RAB3GAP2: variants seen among roughly 807,000 people sequenced by gnomAD.
The protein encoded by RAB3GAP2 is RAB3 GTPase activating non-catalytic protein subunit 2, also known as rab3 GTPase-activating protein non-catalytic subunit.
In RAB3GAP2, 87 loss-of-function variants were observed where a neutral mutation model predicts 185.3. The observed-to-expected ratio is 0.47, with a 90% CI of 0.39 to 0.56. The LOEUF is 0.56. Ranked by LOEUF, RAB3GAP2 falls within the 20% of genes least tolerant of loss-of-function variation. The probability of loss-of-function intolerance (pLI) is 0.00; values close to 1 mark genes in which losing one functional copy is unlikely to be tolerated. For missense variants in RAB3GAP2, 1,492 were observed against 1,638.2 expected (o/e 0.91, Z 1.54); for synonymous variants, 554 against 576.1 (o/e 0.96, Z 0.55).
At chr1:220,237,258 C>T (rs146917358) in intron 1 of RAB3GAP2, among the ~76,000 whole-genome samples, 36 of 152,254 alleles carry the variant, frequency 2.4e-4, no homozygotes, top group Middle Eastern at 6.8e-3. Context: ...CTCTCATTTC[C>T]GTGAAAGACT....
intron 1 of RAB3GAP2, among the ~76,000 whole-genome samples, chr1:220,233,198 A>G (rs532620865): frequency 6.6e-6 from 1 of 152,346 alleles, no homozygotes; most frequent in East Asian, 1.9e-4. Flanking sequence ...TCTAAAAATG[A>G]CAAATGTTTA....
intron 21 of RAB3GAP2, among the ~76,000 whole-genome samples, chr1:220,173,404 T>C (rs1163443884): frequency 6.6e-6 from 1 of 152,220 alleles, no homozygotes; most frequent in Admixed American, 6.5e-5. Context: ...CATCTGTAAG[T>C]ACTGGTATCT....
rs570565961 is a variant in RAB3GAP2 at position 220,261,267 on chromosome 1, C to A, written c.115+10956G>T. Among the ~76,000 whole-genome samples, 10 of 152,252 alleles carry A rather than the reference C, an allele frequency of 6.6e-5. No individual in the cohort carries two copies. The South Asian group carries it at 8.3e-4, about 13-fold the overall frequency. On this transcript the variant is annotated intron_variant, in intron 1 of 34. Coordinates refer to ENST00000358951, the MANE Select transcript of RAB3GAP2 (RefSeq NM_012414.4). The stretch of plus-strand genomic sequence containing the variant: ...CAGATACCTAGGAGTTTCAAGAATT[C>A]TTCTCTATGAGGAAGGTTCAACAAC...
chr1:220,177,767 AGAAAT>A (rs1658320565), intron 21 of RAB3GAP2, among the ~76,000 whole-genome samples: 3 of 152,240 alleles, frequency 2.0e-5, no homozygotes, highest in Non-Finnish European at 2.9e-5. Context: ...AGGAGAAGAA[AGAAAT>A]GAAATGAATG....
At chr1:220,206,539 C>A (rs1558155427) in intron 7 of RAB3GAP2, among the ~76,000 whole-genome samples, 1 of 152,154 alleles carries the variant, frequency 6.6e-6, no homozygotes, top group African/African-American at 2.4e-5. Context: ...TTAACCAGTT[C>A]ATATTGACGG....
intron 28 of RAB3GAP2, among the ~76,000 whole-genome samples, chr1:220,161,362 T>C (rs1657960042): frequency 1.3e-5 from 2 of 152,316 alleles, no homozygotes; most frequent in Middle Eastern, 3.4e-3. Flanking sequence ...TTTACAGTGG[T>C]AATTCTCTTA....
intron 1 of RAB3GAP2, among the ~76,000 whole-genome samples, chr1:220,263,647 G>A (rs73095631): frequency 0.016 from 2,494 of 152,070 alleles, 58 homozygotes; most frequent in African/African-American, 0.056. Context: ...CCATTGGTTT[G>A]TTTGTCTTTA....
At chr1:220,237,586 T>C (rs1202536917) in intron 1 of RAB3GAP2, among the ~76,000 whole-genome samples, 1 of 152,240 alleles carries the variant, frequency 6.6e-6, no homozygotes, top group Non-Finnish European at 1.5e-5. Flanking sequence ...GGCTCTACTC[T>C]CAGAGATTCT....
At chr1:220,195,220 T>G (rs1229073599) in intron 11 of RAB3GAP2, 53 bp from the exon 12 acceptor site, 5 of 1,604,804 alleles carry the variant, frequency 3.1e-6, no homozygotes, top group Non-Finnish European at 4.3e-6. Flanking sequence ...GGTTTTAAAG[T>G]GCAAACTATC....
chr1:220,212,077 T>C (rs1659094183), intron 4 of RAB3GAP2, among the ~76,000 whole-genome samples: 1 of 152,216 alleles, frequency 6.6e-6, no homozygotes, highest in Non-Finnish European at 1.5e-5. Context: ...AGTTCTAAGC[T>C]AGCAGCTCCA....
intron 2 of RAB3GAP2, among the ~76,000 whole-genome samples, chr1:220,226,426 T>C (rs1350159343): frequency 6.6e-6 from 1 of 150,436 alleles, no homozygotes; most frequent in Non-Finnish European, 1.5e-5. Context: ...GCCTTTATAA[T>C]ACTCTTAAAA....
intron 1 of RAB3GAP2, among the ~76,000 whole-genome samples, chr1:220,233,686 G>A (rs1242977117): frequency 6.6e-6 from 1 of 151,200 alleles, no homozygotes; most frequent in Non-Finnish European, 1.5e-5. Flanking sequence ...TTAATTTGAG[G>A]CAATACATAT....
Position 220,257,801 on chromosome 1 carries a change from A to T in RAB3GAP2, c.115+14422T>A, listed in dbSNP as rs528791451. Among the ~76,000 whole-genome samples, 367 of 152,112 alleles carry T rather than the reference A, an allele frequency of 2.4e-3. 2 individuals are homozygous for T. Among genetic ancestry groups the T allele is most frequent in the African/African-American group, 4.2e-3 (175 of 41,534 alleles). On this transcript the variant is annotated intron_variant, in intron 1 of 34. Transcript: ENST00000358951. ...CAATGCATTCAGGAGCTGGTTTTTT[A>T]AAAAAATTAATAAAATAGATAGAAC...
chr1:220,192,100 G>A (rs529787623), intron 13 of RAB3GAP2, among the ~76,000 whole-genome samples: 15 of 152,338 alleles, frequency 9.8e-5, no homozygotes, highest in African/African-American at 2.6e-4. Flanking sequence ...CAAGGAATAA[G>A]ATTGCCATAG....
chr1:220,157,560 T>C, intron 30 of RAB3GAP2, 72 bp from the exon 31 acceptor site: 1 of 1,487,712 alleles, frequency 6.7e-7, no homozygotes, highest in Non-Finnish European at 9.3e-7. Flanking sequence ...CCCAATGAGT[T>C]TATTAGCAGC....
At chr1:220,224,074 T>G (rs1367516834) in intron 2 of RAB3GAP2, among the ~76,000 whole-genome samples, 1 of 151,338 alleles carries the variant, frequency 6.6e-6, no homozygotes, top group Non-Finnish European at 1.5e-5. Context: ...GGAATAAGGC[T>G]AGCTAACATT....
intron 1 of RAB3GAP2, among the ~76,000 whole-genome samples, chr1:220,258,632 A>G (rs1362054435): frequency 1.3e-5 from 2 of 152,238 alleles, no homozygotes; most frequent in Admixed American, 6.5e-5. Context: ...CCAATATCAT[A>G]CTGAATGGGC....
chr1:220,236,144 G>A (rs1264618552), intron 1 of RAB3GAP2, among the ~76,000 whole-genome samples: 1 of 152,162 alleles, frequency 6.6e-6, no homozygotes, highest in Non-Finnish European at 1.5e-5. Flanking sequence ...TGTTTTGCCA[G>A]TGGGGCAATA....
At chr1:220,159,316 C>T in intron 29 of RAB3GAP2, 70 bp downstream of exon 29, 1 of 1,271,268 alleles carries the variant, frequency 7.9e-7, no homozygotes. Flanking sequence ...TTCACCTATA[C>T]AGTTAATAAA....
Sources: allele counts gnomAD v4.1 joint callset (sites outside exome capture counted in the v4.1 genomes callset), GRCh38; gene constraint gnomAD v4.1.1; transcripts MANE v1.5; gene names NCBI Gene and HGNC (gene_info 2026-07-23, HGNC 2026-07-21).